The following GASK1A variants were observed in gnomAD, a reference collection of about 807,000 sequenced individuals.
GASK1A encodes Golgi-associated kinase 1A.
Under a neutral mutation model 41.2 loss-of-function variants are expected in GASK1A, and 40 were observed. The observed-to-expected ratio is 0.97, with a 90% CI of 0.75 to 1.27. GASK1A has a LOEUF of 1.27. GASK1A is among the 50% of genes most tolerant of loss of function. The probability of loss-of-function intolerance (pLI) is 0.00; values close to 1 mark genes in which losing one functional copy is unlikely to be tolerated. For missense variants in GASK1A, 678 were observed against 745.1 expected (o/e 0.91, Z 1.05); for synonymous variants, 316 against 307.1 (o/e 1.03, Z -0.30).
intron 1 of GASK1A, among the ~76,000 whole-genome samples, chr3:43,002,870 A>G (rs1215143110): frequency 6.6e-6 from 1 of 152,182 alleles, no homozygotes; most frequent in Non-Finnish European, 1.5e-5. Context: ...GTTTACAGCC[A>G]TCTCATTCTT....
At chr3:43,052,052 T>A (rs899226452) in intron 2 of GASK1A, among the ~76,000 whole-genome samples, 2 of 152,160 alleles carry the variant, frequency 1.3e-5, no homozygotes, top group African/African-American at 4.8e-5. Flanking sequence ...GACTGGTAGA[T>A]CCCAGAGATC....
At chr3:43,004,687 A>T (rs2089426137) in intron 1 of GASK1A, among the ~76,000 whole-genome samples, 1 of 152,180 alleles carries the variant, frequency 6.6e-6, no homozygotes, top group African/African-American at 2.4e-5. Flanking sequence ...TCCAGTACAG[A>T]CACATTATTC....
chr3:43,005,431 C>G (rs778312812), intron 1 of GASK1A, among the ~76,000 whole-genome samples: 8 of 152,198 alleles, frequency 5.3e-5, no homozygotes, highest in Admixed American at 1.3e-4. Context: ...TGTGGCATCT[C>G]GCTCTGTCCT....
At chr3:43,025,804 C>G (rs536455288) in intron 1 of GASK1A, among the ~76,000 whole-genome samples, 2 of 152,148 alleles carry the variant, frequency 1.3e-5, no homozygotes, top group Admixed American at 6.6e-5. Flanking sequence ...AAAAAAGTAC[C>G]ATTGAGGACT....
At chr3:42,992,381 G>A (rs777471660) in intron 1 of GASK1A, among the ~76,000 whole-genome samples, 6 of 152,184 alleles carry the variant, frequency 3.9e-5, no homozygotes, top group Non-Finnish European at 5.9e-5. Context: ...GCCTCCTTGT[G>A]GGAATGTATG....
chr3:43,032,227 T>A (rs1160029283), intron 1 of GASK1A, 40 bp from the exon 2 acceptor site: 2 of 1,443,942 alleles, frequency 1.4e-6, no homozygotes, highest in Non-Finnish European at 9.3e-7. Flanking sequence ...GCTGATGTAT[T>A]TCCCAGATCT....
At chr3:42,988,009 A>AAAAAAAAAAAAAAAG (rs1553613460) in intron 1 of GASK1A, among the ~76,000 whole-genome samples, 1 of 149,854 alleles carries the variant, frequency 6.7e-6, no homozygotes, top group African/African-American at 2.4e-5. Flanking sequence ...AAAAAAAAAA[A>AAAAAAAAAAAAAAAG]GGGATGGGGG....
At chr3:43,047,077 A>G (rs776495778) in intron 2 of GASK1A, among the ~76,000 whole-genome samples, 2 of 152,264 alleles carry the variant, frequency 1.3e-5, no homozygotes, top group African/African-American at 2.4e-5. Flanking sequence ...GTGGAGTCAG[A>G]GCCCCCACAC....
At chr3:42,981,785 A>G (rs2089283922) in intron 1 of GASK1A, among the ~76,000 whole-genome samples, 1 of 152,194 alleles carries the variant, frequency 6.6e-6, no homozygotes, top group Admixed American at 6.5e-5. Context: ...GTCCTAAAAT[A>G]GTTTTTGGGA....
chr3:43,055,145 G>T (rs1440759692), intron 3 of GASK1A, among the ~76,000 whole-genome samples: 2 of 152,218 alleles, frequency 1.3e-5, no homozygotes, highest in Non-Finnish European at 2.9e-5. Context: ...GTGTGATTTT[G>T]TGCAAATTGC....
rs2089354579 is a variant in GASK1A at position 42,993,740 on chromosome 3, C to CT, written c.3+14099dup. 2.0e-5 allele frequency among the ~76,000 whole-genome samples: 3 copies of CT among 152,162 alleles called. No individual in the cohort carries two copies. The South Asian group carries it at 6.2e-4, about 32-fold the overall frequency. On this transcript the variant is annotated intron_variant, in intron 1 of 4. Transcript: ENST00000430121. Reference sequence around the variant, plus strand: ...TACTCCACGGCCATTAAAAAATAATCTTTTAAAAAATTAAAACCTGATGTG... The same window carrying CT: ...TACTCCACGGCCATTAAAAAATAATCTTTTTAAAAAATTAAAACCTGATGTG...
chr3:42,980,170 C>T (rs1375220372), intron 1 of GASK1A, among the ~76,000 whole-genome samples: 1 of 152,198 alleles, frequency 6.6e-6, no homozygotes, highest in Non-Finnish European at 1.5e-5. Context: ...ATCCGCCTTC[C>T]TCTACCTCCC....
chr3:42,998,697 G>A (rs2089390084), intron 1 of GASK1A, among the ~76,000 whole-genome samples: 1 of 152,088 alleles, frequency 6.6e-6, no homozygotes. Flanking sequence ...TGTGTGGGTG[G>A]CCCTCTCCTC....
chr3:43,047,425 G>A (rs1470465975), intron 2 of GASK1A, among the ~76,000 whole-genome samples: 1 of 152,156 alleles, frequency 6.6e-6, no homozygotes, highest in Non-Finnish European at 1.5e-5. Flanking sequence ...TGGGCTGTAG[G>A]GGACCCAGCC....
chr3:43,050,085 A>C (rs1290322393), intron 2 of GASK1A, among the ~76,000 whole-genome samples: 1 of 151,106 alleles, frequency 6.6e-6, no homozygotes, highest in Non-Finnish European at 1.5e-5. Context: ...ACTGTCTTTT[A>C]TGTTTATCTA....
At chr3:43,024,064 G>T (rs897509706) in intron 1 of GASK1A, among the ~76,000 whole-genome samples, 17 of 152,120 alleles carry the variant, frequency 1.1e-4, no homozygotes, top group South Asian at 6.2e-4. Flanking sequence ...TTATTTTCTG[G>T]TTTTTTATGC....
At chr3:43,019,362 T>C (rs1313895186) in intron 1 of GASK1A, among the ~76,000 whole-genome samples, 1 of 152,136 alleles carries the variant, frequency 6.6e-6, no homozygotes, top group East Asian at 1.9e-4. Context: ...ACCCAGCATA[T>C]CTGACTGGAG....
At chr3:42,983,495 G>A (rs2089292066) in intron 1 of GASK1A, among the ~76,000 whole-genome samples, 2 of 152,050 alleles carry the variant, frequency 1.3e-5, no homozygotes, top group Admixed American at 1.3e-4. Flanking sequence ...TCATCAGGCA[G>A]GAAAACCCAG....
At chr3:43,047,594 G>A (rs13087788) in intron 2 of GASK1A, among the ~76,000 whole-genome samples, 50,600 of 152,044 alleles carry the variant, frequency 0.33, 9,766 homozygotes, top group Non-Finnish European at 0.45. Context: ...TGGCTGAAGG[G>A]AAGACCTTCT....
Sources: gnomAD v4.1 joint callset for allele counts (sites outside exome capture counted in the v4.1 genomes callset) on GRCh38, gnomAD v4.1.1 for gene constraint, MANE v1.5 for transcripts, NCBI Gene and HGNC (gene_info 2026-07-23, HGNC 2026-07-21) for gene names.